The following ZFAND3 variants were observed in gnomAD, a reference collection of about 807,000 sequenced individuals.
ZFAND3 encodes the protein zinc finger AN1-type containing 3, also known as AN1-type zinc finger protein 3.
A neutral mutation model predicts 29.6 loss-of-function variants in ZFAND3; 10 were observed. The ratio of observed to expected loss-of-function variants is 0.34; its 90% CI spans 0.21 to 0.57. The LOEUF (loss-of-function observed/expected upper bound fraction) is 0.57, where lower values mean the gene tolerates loss of function less well. ZFAND3 is among the 20% of genes least tolerant of loss of function. The pLI is 0.86. For missense variants in ZFAND3, 230 were observed against 304.5 expected (o/e 0.76, Z 1.82); for synonymous variants, 128 against 112.6 (o/e 1.14, Z -0.87).
At chr6:37,986,672 A>T (rs1285631863) in intron 2 of ZFAND3, among the ~76,000 whole-genome samples, 2 of 152,172 alleles carry the variant, frequency 1.3e-5, no homozygotes, top group Non-Finnish European at 2.9e-5. Context: ...GCATTTTCGC[A>T]GTTCATTTAG....
chr6:38,060,475 C>T (rs1316391136), intron 2 of ZFAND3, among the ~76,000 whole-genome samples: 3 of 146,114 alleles, frequency 2.1e-5, no homozygotes, highest in Non-Finnish European at 3.0e-5. Flanking sequence ...TCTCTGCTTT[C>T]TCTGTTCCTG....
At chr6:37,871,082 T>C (rs554472158) in intron 1 of ZFAND3, among the ~76,000 whole-genome samples, 2 of 152,352 alleles carry the variant, frequency 1.3e-5, no homozygotes, top group South Asian at 4.1e-4. Flanking sequence ...CCCCATTCTC[T>C]CTTAGTTCTG....
intron 2 of ZFAND3, among the ~76,000 whole-genome samples, chr6:37,997,121 T>G (rs545647283): frequency 6.6e-6 from 1 of 152,338 alleles, no homozygotes; most frequent in South Asian, 2.1e-4. Context: ...TTATATTCCT[T>G]GTAAAGTCAT....
intron 1 of ZFAND3, among the ~76,000 whole-genome samples, chr6:37,892,632 GA>G (rs1487144204): frequency 2.0e-5 from 3 of 152,088 alleles, no homozygotes; most frequent in Non-Finnish European, 4.4e-5. Flanking sequence ...AATTAATAGA[GA>G]ATAGAAAAAT....
intron 2 of ZFAND3, among the ~76,000 whole-genome samples, chr6:37,935,497 T>A (rs74479294): frequency 0.06 from 9,209 of 152,252 alleles, 344 homozygotes; most frequent in Non-Finnish European, 0.085. Flanking sequence ...TAATGCAGTT[T>A]TTCAAACTGG....
intron 1 of ZFAND3, among the ~76,000 whole-genome samples, chr6:37,897,831 ACAGT>A (rs1336181080): frequency 9.2e-5 from 14 of 152,230 alleles, no homozygotes; most frequent in African/African-American, 3.1e-4. Context: ...TTGGGAATCA[ACAGT>A]CAGCAAGTAG....
chr6:37,927,702 T>G (rs945185442), intron 1 of ZFAND3, among the ~76,000 whole-genome samples: 1 of 152,204 alleles, frequency 6.6e-6, no homozygotes, highest in Admixed American at 6.5e-5. Flanking sequence ...GAGCAGAAGT[T>G]GTGCTTCTTC....
chr6:37,853,412 GAAAAAAAAAAAA>G (rs56738009), intron 1 of ZFAND3, among the ~76,000 whole-genome samples: 10 of 65,880 alleles, frequency 1.5e-4, no homozygotes, highest in East Asian at 1.1e-3. Context: ...TGAGCCTCAA[GAAAAAAAAAAAA>G]AAAAAAAAAA....
chr6:38,113,603 T>C (rs184822074), intron 4 of ZFAND3, among the ~76,000 whole-genome samples: 75 of 152,234 alleles, frequency 4.9e-4, no homozygotes, highest in Admixed American at 1.8e-3. Context: ...GGGCAGGGGT[T>C]GGGGGGTCCC....
Position 37,977,777 on chromosome 6 carries a change from G to GTTT in ZFAND3, c.112+47790_112+47792dup, listed in dbSNP as rs750389527. On this transcript the variant is annotated intron_variant, in intron 2 of 5. Transcript: ENST00000287218. Reference sequence around the variant, plus strand: ...TTATTTCTGGTTTGCTGAGTTTTTTGTTTTTTTTTTTTTTCAAATGAAGAA... The same window carrying GTTT: ...TTATTTCTGGTTTGCTGAGTTTTTTGTTTTTTTTTTTTTTTTTCAAATGAAGAA... Among the ~76,000 whole-genome samples the GTTT allele has an allele frequency of 9.4e-4, 109 of 115,772 alleles. 4 individuals carry two copies. The Middle Eastern group carries it at 0.014, about 15-fold the overall frequency. The allele number at this position is 115,772 out of a possible 152,430, so 76.0% of individuals were successfully genotyped here.
At chr6:38,001,441 G>T (rs1302546703) in intron 2 of ZFAND3, among the ~76,000 whole-genome samples, 2 of 152,186 alleles carry the variant, frequency 1.3e-5, no homozygotes, top group African/African-American at 4.8e-5. Context: ...TGTTACAAAT[G>T]ATCTCCATCC....
intron 2 of ZFAND3, among the ~76,000 whole-genome samples, chr6:37,990,509 T>C (rs2127435404): frequency 6.6e-6 from 1 of 152,292 alleles, no homozygotes; most frequent in East Asian, 1.9e-4. Flanking sequence ...TGAGCTCTCT[T>C]TTTGGTTAGA....
chr6:38,114,174 G>C (rs1765372677), intron 4 of ZFAND3, among the ~76,000 whole-genome samples: 1 of 151,992 alleles, frequency 6.6e-6, no homozygotes, highest in Non-Finnish European at 1.5e-5. Context: ...AACATTTTTT[G>C]TTACAGTTTT....
intron 4 of ZFAND3, among the ~76,000 whole-genome samples, chr6:38,084,799 A>G (rs1051383145): frequency 3.3e-5 from 5 of 152,198 alleles, no homozygotes; most frequent in Admixed American, 6.5e-5. Context: ...AATTAATGCA[A>G]TGTCCAGGTC....
chr6:38,059,102 A>G (rs1329004865), intron 2 of ZFAND3, among the ~76,000 whole-genome samples: 6 of 152,194 alleles, frequency 3.9e-5, no homozygotes, highest in South Asian at 2.1e-4. Flanking sequence ...TAAAATATAT[A>G]GAGAATAAAG....
chr6:37,900,668 C>G (rs1765302623), intron 1 of ZFAND3, among the ~76,000 whole-genome samples: 1 of 152,082 alleles, frequency 6.6e-6, no homozygotes, highest in African/African-American at 2.4e-5. Flanking sequence ...AAATACTTGT[C>G]ACAGGTCTGT....
intron 1 of ZFAND3, among the ~76,000 whole-genome samples, chr6:37,878,237 T>G (rs965011241): frequency 6.6e-6 from 1 of 152,278 alleles, no homozygotes; most frequent in African/African-American, 2.4e-5. Context: ...AGGAGCTCAC[T>G]GCCATTACTA....
chr6:37,891,976 G>A (rs1329550070), intron 1 of ZFAND3, among the ~76,000 whole-genome samples: 1 of 152,100 alleles, frequency 6.6e-6, no homozygotes, highest in Non-Finnish European at 1.5e-5. Flanking sequence ...CAATCCACTC[G>A]CCTCGCCCTC....
At chr6:37,966,123 C>CAA (rs1049683494) in intron 2 of ZFAND3, among the ~76,000 whole-genome samples, 4 of 152,024 alleles carry the variant, frequency 2.6e-5, no homozygotes, top group African/African-American at 9.7e-5. Context: ...GGTTTGTAGA[C>CAA]AAAGGGGGAA....
Sources: allele counts gnomAD v4.1 joint callset (sites outside exome capture counted in the v4.1 genomes callset), GRCh38; gene constraint gnomAD v4.1.1; transcripts MANE v1.5; gene names NCBI Gene and HGNC (gene_info 2026-07-23, HGNC 2026-07-21).